Variants in LDB2 observed in about 807,000 individuals in gnomAD.
The protein encoded by LDB2 is LIM domain binding 2.
A neutral mutation model predicts 44.3 loss-of-function variants in LDB2; 12 were observed. The observed-to-expected ratio is 0.27, with a 90% CI of 0.17 to 0.44. LDB2 has a LOEUF of 0.44. Ranked by LOEUF, LDB2 falls within the 20% of genes least tolerant of loss-of-function variation. The pLI, the probability that LDB2 is intolerant of heterozygous loss-of-function variation, is 1.00. For missense variants in LDB2, 344 were observed against 473.5 expected, an observed-to-expected ratio of 0.73 and a Z score of 2.54; for synonymous variants, 164 against 174.8, an observed-to-expected ratio of 0.94 and a Z score of 0.49.
At chr4:16,892,704 T>C (rs1446301707) in intron 1 of LDB2, among the ~76,000 whole-genome samples, 2 of 152,198 alleles carry the variant, frequency 1.3e-5, no homozygotes, top group African/African-American at 4.8e-5. Context: ...TCTGTGTTCC[T>C]CATGAAAAAT....
At chr4:16,542,825 G>A (rs183200560) in intron 5 of LDB2, among the ~76,000 whole-genome samples, 29 of 151,880 alleles carry the variant, frequency 1.9e-4, no homozygotes, top group African/African-American at 6.8e-4. Flanking sequence ...CGTACAATGT[G>A]CAGGTTTGTT....
intron 2 of LDB2, among the ~76,000 whole-genome samples, chr4:16,708,738 A>T (rs1193145767): frequency 6.6e-6 from 1 of 152,078 alleles, no homozygotes; most frequent in Non-Finnish European, 1.5e-5. Flanking sequence ...ATATTAGGGA[A>T]GTACAAAGAC....
At chr4:16,700,503 T>C (rs1023697915) in intron 2 of LDB2, among the ~76,000 whole-genome samples, 2 of 152,256 alleles carry the variant, frequency 1.3e-5, no homozygotes, top group African/African-American at 4.8e-5. Context: ...ACTTGTTTTC[T>C]TGCTAAAAAC....
In LDB2 at chr4:16,884,480, C is replaced by A. The variant is rs535567642; in HGVS notation, c.132+13874G>T. On this transcript the variant is annotated intron_variant, in intron 1 of 7. Transcript: ENST00000304523. Reference sequence around the variant, plus strand: ...ATCATATACACACTAACACATACACCCCAGACCTTAAGCCTCAGCAGTGTC... The same window carrying A: ...ATCATATACACACTAACACATACACACCAGACCTTAAGCCTCAGCAGTGTC... 2.0e-5 allele frequency among the ~76,000 whole-genome samples: 3 copies of A among 152,238 alleles called. No homozygotes were observed. In the South Asian group the frequency reaches 6.2e-4, roughly 32 times the overall value.
chr4:16,712,297 T>G (rs1756061829), intron 2 of LDB2, among the ~76,000 whole-genome samples: 1 of 152,226 alleles, frequency 6.6e-6, no homozygotes, highest in South Asian at 2.1e-4. Flanking sequence ...CTCAAGCCTG[T>G]AATCCCAGCA....
intron 1 of LDB2, among the ~76,000 whole-genome samples, chr4:16,822,108 T>G (rs1782200170): frequency 8.0e-6 from 1 of 125,132 alleles, no homozygotes. Context: ...TTACTAGGAT[T>G]GTTAAAAAAA....
chr4:16,812,582 T>TTATATATATATATATATATATATATATA (rs6148319), intron 1 of LDB2, among the ~76,000 whole-genome samples: 2 of 115,560 alleles, frequency 1.7e-5, no homozygotes, highest in East Asian at 2.3e-4. Context: ...ATCAATGAAA[T>TTATATATATATATATATATATATATATA]TATATATATA....
chr4:16,640,476 T>C (rs906559222), intron 2 of LDB2, among the ~76,000 whole-genome samples: 1 of 152,146 alleles, frequency 6.6e-6, no homozygotes, highest in Non-Finnish European at 1.5e-5. Flanking sequence ...AGGACAATAT[T>C]AGGGATGAAT....
At chr4:16,612,678 C>G (rs2152467099) in intron 2 of LDB2, among the ~76,000 whole-genome samples, 1 of 152,182 alleles carries the variant, frequency 6.6e-6, no homozygotes, top group African/African-American at 2.4e-5. Flanking sequence ...CTGAATAGAC[C>G]AATAACAAGC....
intron 1 of LDB2, among the ~76,000 whole-genome samples, chr4:16,879,667 T>G (rs887581313): frequency 3.3e-5 from 5 of 152,194 alleles, no homozygotes; most frequent in African/African-American, 4.8e-5. Flanking sequence ...CCAGCTTTCT[T>G]GGGTCTCCAG....
chr4:16,822,762 C>A (rs953481587), intron 1 of LDB2, among the ~76,000 whole-genome samples: 1 of 152,154 alleles, frequency 6.6e-6, no homozygotes, highest in East Asian at 1.9e-4. Context: ...GTGATCCACC[C>A]GCCTCAGCCT....
chr4:16,883,558 T>C (rs147687721), intron 1 of LDB2, among the ~76,000 whole-genome samples: 1 of 152,370 alleles, frequency 6.6e-6, no homozygotes, highest in East Asian at 1.9e-4. Context: ...TGTTGACAGA[T>C]GATTTTTCCC....
intron 5 of LDB2, among the ~76,000 whole-genome samples, chr4:16,517,261 G>A (rs987188735): frequency 3.3e-5 from 5 of 151,990 alleles, no homozygotes; most frequent in African/African-American, 1.2e-4. Flanking sequence ...CCCATCCATC[G>A]ACTCTAGGAA....
chr4:16,569,200 T>G (rs1354802058), intron 5 of LDB2, among the ~76,000 whole-genome samples: 2 of 152,196 alleles, frequency 1.3e-5, no homozygotes, highest in Admixed American at 1.3e-4. Context: ...AATAACTTCT[T>G]CAATTCCTAA....
chr4:16,771,596 A>G (rs207684), intron 1 of LDB2, among the ~76,000 whole-genome samples: 118,558 of 152,074 alleles, frequency 0.78, 48,647 homozygotes, highest in Non-Finnish European at 0.92. Flanking sequence ...TCTCCATAAT[A>G]TAATTCCAGT....
chr4:16,589,427 G>C (rs1718137826), intron 3 of LDB2, among the ~76,000 whole-genome samples: 1 of 152,138 alleles, frequency 6.6e-6, no homozygotes, highest in Non-Finnish European at 1.5e-5. Context: ...CATCAGCAAT[G>C]ATAAATTCTG....
chr4:16,767,485 C>T (rs964592254), intron 1 of LDB2, among the ~76,000 whole-genome samples: 3 of 149,890 alleles, frequency 2.0e-5, no homozygotes, highest in African/African-American at 7.4e-5. Flanking sequence ...CTGTTGCACA[C>T]TGCCACAGGG....
intron 1 of LDB2, among the ~76,000 whole-genome samples, chr4:16,793,052 T>C (rs890400216): frequency 1.3e-4 from 20 of 152,210 alleles, no homozygotes; most frequent in Admixed American, 3.9e-4. Flanking sequence ...TTTCAGGTTA[T>C]ATAAGTAGAG....
At chr4:16,512,618 C>A (rs1722233755) in intron 5 of LDB2, among the ~76,000 whole-genome samples, 1 of 152,206 alleles carries the variant, frequency 6.6e-6, no homozygotes. Flanking sequence ...AACAGAGTGG[C>A]AACTACAGGC....
Sources: allele counts gnomAD v4.1 joint callset (sites outside exome capture counted in the v4.1 genomes callset), GRCh38; gene constraint gnomAD v4.1.1; transcripts MANE v1.5; gene names NCBI Gene and HGNC (gene_info 2026-07-23, HGNC 2026-07-21).